Variants in ALDH7A1 observed in about 807,000 individuals in gnomAD.
ALDH7A1 encodes the protein aldehyde dehydrogenase 7 family member A1.
ALDH7A1 carries 63 observed loss-of-function variants against 79.9 expected under a neutral mutation model. The ratio of observed to expected loss-of-function variants is 0.79; its 90% CI spans 0.64 to 0.97. The LOEUF (loss-of-function observed/expected upper bound fraction) is 0.97, where lower values mean the gene tolerates loss of function less well. Ranked by LOEUF, ALDH7A1 falls within the 50% of genes least tolerant of loss-of-function variation. ALDH7A1 has a pLI of 0.00. For synonymous variants in ALDH7A1, 240 were observed against 231.2 expected, an observed-to-expected ratio of 1.04 and a Z score of -0.34; for missense variants, 627 against 665.2, an observed-to-expected ratio of 0.94 and a Z score of 0.63.
chr5:126,592,315 C>G (rs988570329), intron 3 of ALDH7A1: 2 of 266,656 alleles, frequency 7.5e-6, no homozygotes, highest in African/African-American at 4.6e-5. Context: ...GAGGAGCAAA[C>G]AAATATTTCT....
intron 9 of ALDH7A1, chr5:126,567,816 C>T (rs1750638052): frequency 6.9e-6 from 1 of 144,500 alleles, no homozygotes; most frequent in African/African-American, 2.8e-5. Context: ...CGGAGTCTCG[C>T]TCTGCCGCCC....
rs1268987427 is a variant in ALDH7A1 at position 126,593,388 on chromosome 5, C to T, written c.209G>A (p.Cys70Tyr). Reference protein sequence around the residue: ...GGRGEVITTYCPANNEPIARV... With the variant: ...GGRGEVITTYYPANNEPIARV... ...TGCTATTGGCTCGTTGTTAGCAGGG[C>T]AATAGGTCGTAATAACCTTAAAACA... Residue 70 changes from cysteine (C) to tyrosine (Y), a missense_variant, in exon 2 of 18, where the codon TGC becomes TAC. Coordinates refer to ENST00000409134, the MANE Select transcript of ALDH7A1 (RefSeq NM_001182.5). 4 of 1,612,966 alleles carry T rather than the reference C, an allele frequency of 2.5e-6. No individual in the cohort carries two copies. The highest frequency in any genetic ancestry group is 3.4e-6 in the Non-Finnish European group (4 of 1,179,944).
intron 11 of ALDH7A1, among the ~76,000 whole-genome samples, chr5:126,557,771 T>C (rs2112765788): frequency 6.6e-6 from 1 of 152,174 alleles, no homozygotes; most frequent in Non-Finnish European, 1.5e-5. Context: ...CTTTTTTCAT[T>C]ACAAAAGGAA....
At chr5:126,594,002 T>C in intron 1 of ALDH7A1, 1 of 301,028 alleles carries the variant, frequency 3.3e-6, no homozygotes, top group South Asian at 2.9e-5. Flanking sequence ...CCAAGGCAGG[T>C]TCATTATATA....
In ALDH7A1 at chr5:126,583,944, T is replaced by A; in HGVS notation, c.381A>T (p.Val127=). ...AAAAATACTTTACCAAGCTTCCTAG[T>A]ACTTGGATCTTCTCCCGCAAGGCAT... ...IGDALREKIQ[V]LGSLVSLEMG... is the part of the protein sequence containing the mutation. The change falls in exon 4 of 18, where the codon GTA becomes GTT. Residue 127 remains valine, a synonymous_variant. Coordinates refer to ENST00000409134, the MANE Select transcript of ALDH7A1 (RefSeq NM_001182.5). 1.2e-6 allele frequency: 2 copies of A among 1,613,702 alleles called. No individual in the cohort carries two copies. The highest frequency in any genetic ancestry group is 1.7e-6 in the Non-Finnish European group (2 of 1,179,568).
chr5:126,590,683 G>A (rs1220721825), intron 3 of ALDH7A1, among the ~76,000 whole-genome samples: 1 of 152,050 alleles, frequency 6.6e-6, no homozygotes, highest in East Asian at 1.9e-4. Context: ...TTAGGAGTTC[G>A]AGACCGCCCT....
intron 5 of ALDH7A1, among the ~76,000 whole-genome samples, chr5:126,578,638 CAAA>C (rs70994880): frequency 0.088 from 7,968 of 90,326 alleles, 247 homozygotes; most frequent in South Asian, 0.18. Context: ...GACCCTGTAT[CAAA>C]AAAAAAAAAA....
chr5:126,582,613 A>G (rs940928540), intron 5 of ALDH7A1, among the ~76,000 whole-genome samples: 1 of 152,202 alleles, frequency 6.6e-6, no homozygotes. Context: ...CAGATGAGTT[A>G]AAAGTGTCTT....
chr5:126,549,198 A>G (rs1467713805), intron 16 of ALDH7A1, among the ~76,000 whole-genome samples: 2 of 152,094 alleles, frequency 1.3e-5, no homozygotes, highest in Admixed American at 6.6e-5. Flanking sequence ...GCAACTGCAC[A>G]GTGGAGTGCA....
chr5:126,590,222 C>G (rs1751509240), intron 3 of ALDH7A1, among the ~76,000 whole-genome samples: 1 of 152,030 alleles, frequency 6.6e-6, no homozygotes, highest in Admixed American at 6.6e-5. Context: ...GTGAGGAGCG[C>G]CTCTGCCCGG....
chr5:126,559,244 C>A lies in ALDH7A1; in HGVS notation c.1004G>T (p.Arg335Leu). The change falls in exon 11 of 18, where the codon CGA becomes CTA. Residue 335 changes from arginine to leucine, a missense_variant. By Grantham distance (102) the Arg-to-Leu change is moderately radical. Transcript: ENST00000409134. ...TAGQRCTTAR[R>L]LFIHESIHDE... ...GGCCTATGCAGATATACTCACCAGT[C>A]GCCTCGCAGTGGTACACCTCTGGCC... 2 of 1,613,378 alleles carry A rather than the reference C, an allele frequency of 1.2e-6. No homozygotes were observed. The highest frequency in any genetic ancestry group is 1.1e-5 in the South Asian group (1 of 91,004).
intron 12 of ALDH7A1, 28 bp from the exon 13 acceptor site, chr5:126,554,421 A>C (rs1435500196): frequency 6.3e-7 from 1 of 1,597,072 alleles, no homozygotes; most frequent in East Asian, 2.2e-5. Flanking sequence ...AGGCTGGCTC[A>C]TCATTTTGCC....
rs747103219 is a variant in ALDH7A1 at position 126,592,711 on chromosome 5, C to G, written c.265G>C (p.Glu89Gln). The change falls in exon 3 of 18, where the codon GAA becomes CAA. Residue 89 changes from glutamate (E) to glutamine (Q), a missense_variant. Glu to Gln is a conservative substitution (Grantham distance 29). Coordinates refer to ENST00000409134, the MANE Select transcript of ALDH7A1 (RefSeq NM_001182.5). ...RVRQASVADY[E>Q]ETVKKAREAW... ...TCTCTTGCTTTCTTTACAGTTTCTT[C>G]ATAGTCTGCCACACTGGCCTAAATT... 1.2e-6 allele frequency: 2 copies of G among 1,614,062 alleles called. No individual in the cohort carries two copies. Among genetic ancestry groups the G allele is most frequent in the Admixed American group, 3.3e-5 (2 of 60,014 alleles).
chr5:126,579,346 A>T (rs1307883444), intron 5 of ALDH7A1, among the ~76,000 whole-genome samples: 3 of 152,134 alleles, frequency 2.0e-5, no homozygotes, highest in Non-Finnish European at 4.4e-5. Context: ...CTTCTCTTGG[A>T]GGCCTTCCTG....
chr5:126,562,206 A>AT (rs150070498), intron 9 of ALDH7A1: 2,427 of 143,880 alleles, frequency 0.017, 49 homozygotes, highest in African/African-American at 0.042. Context: ...ATTTTTATTA[A>AT]TTTTTTTTTT....
chr5:126,565,901 G>C (rs542034141), intron 9 of ALDH7A1, among the ~76,000 whole-genome samples: 1 of 152,166 alleles, frequency 6.6e-6, no homozygotes, highest in East Asian at 1.9e-4. Flanking sequence ...ATAAATACAA[G>C]GGTTTATCTC....
chr5:126,555,786 A>G (rs112805571), intron 12 of ALDH7A1, 145 bp downstream of exon 12: 1 of 673,386 alleles, frequency 1.5e-6, no homozygotes, highest in Non-Finnish European at 2.7e-6. Flanking sequence ...AGGAGCAGAC[A>G]CGATACACCA....
At chr5:126,580,826 A>ATTT (rs34575294) in intron 5 of ALDH7A1, among the ~76,000 whole-genome samples, 1 of 138,852 alleles carries the variant, frequency 7.2e-6, no homozygotes, top group Non-Finnish European at 1.6e-5. Flanking sequence ...TCTTAACCTC[A>ATTT]TTTTTTTTTT....
intron 3 of ALDH7A1, chr5:126,586,253 T>C (rs559199140): frequency 6.1e-4 from 93 of 152,368 alleles, no homozygotes; most frequent in African/African-American, 2.2e-3. Context: ...AACAAAAACC[T>C]GTAGCATTAT....
Sources: gnomAD v4.1 joint callset for allele counts (sites outside exome capture counted in the v4.1 genomes callset) on GRCh38, gnomAD v4.1.1 for gene constraint, MANE v1.5 for transcripts, NCBI Gene and HGNC (gene_info 2026-07-23, HGNC 2026-07-21) for gene names.